PTPRD: variants seen among roughly 807,000 people sequenced by gnomAD.
The protein encoded by PTPRD is receptor-type tyrosine-protein phosphatase delta.
In PTPRD, 34 loss-of-function variants were observed where a neutral mutation model predicts 214.5. The observed-to-expected ratio is 0.16, with a 90% CI of 0.12 to 0.21. The LOEUF (loss-of-function observed/expected upper bound fraction) is 0.21, where lower values mean the gene tolerates loss of function less well. Among genes scored for constraint, PTPRD ranks in the 10% least tolerant of loss-of-function variants. PTPRD has a pLI of 1.00. For synonymous variants in PTPRD, 1,128 were observed against 845.7 expected, an observed-to-expected ratio of 1.33 and a Z score of -5.79; for missense variants, 2,545 against 2,398.7, an observed-to-expected ratio of 1.06 and a Z score of -1.27.
intron 5 of PTPRD, among the ~76,000 whole-genome samples, chr9:9,903,754 C>T (rs1056399426): frequency 6.6e-6 from 1 of 152,020 alleles, no homozygotes; most frequent in African/African-American, 2.4e-5. Context: ...TTCTAAAGTA[C>T]TTGAAGTTTT....
intron 2 of PTPRD, among the ~76,000 whole-genome samples, chr9:10,557,392 T>TCTCTCCTCC (rs950632437): frequency 1.3e-5 from 2 of 152,142 alleles, no homozygotes; most frequent in Non-Finnish European, 2.9e-5. Context: ...TCTTTCTCCC[T>TCTCTCCTCC]CTCTCCTCCC....
chr9:8,739,852 A>T (rs57136740), intron 11 of PTPRD, among the ~76,000 whole-genome samples: 75,050 of 151,900 alleles, frequency 0.49, 19,221 homozygotes, highest in South Asian at 0.62. Context: ...GTCTCATGAG[A>T]TCTGATGATT....
intron 11 of PTPRD, among the ~76,000 whole-genome samples, chr9:8,818,646 A>G (rs2096973733): frequency 6.6e-6 from 1 of 152,244 alleles, no homozygotes; most frequent in South Asian, 2.1e-4. Flanking sequence ...TACCTACTGA[A>G]TTAGTATTAT....
chr9:10,028,879 G>A (rs1026926823), intron 4 of PTPRD, among the ~76,000 whole-genome samples: 1 of 152,190 alleles, frequency 6.6e-6, no homozygotes, highest in Non-Finnish European at 1.5e-5. Flanking sequence ...CCAAGACAAT[G>A]AGGAAAATGT....
chr9:10,369,002 T>C (rs1565590028), intron 2 of PTPRD, among the ~76,000 whole-genome samples: 1 of 152,060 alleles, frequency 6.6e-6, no homozygotes, highest in Admixed American at 6.6e-5. Flanking sequence ...GAATATGTGT[T>C]TTTTTTAATT....
intron 10 of PTPRD, among the ~76,000 whole-genome samples, chr9:9,117,035 G>C (rs574898906): frequency 6.6e-5 from 10 of 152,200 alleles, no homozygotes; most frequent in African/African-American, 2.4e-4. Flanking sequence ...AAACAGGACA[G>C]ATACAGGCTT....
In PTPRD at chr9:10,021,431, T is replaced by A. The variant is rs1349983887; in HGVS notation, c.-472+12287A>T. ...TGTATATCAATACAATATTAGTTTC[T>A]TTTTCTTTTTTCTTTGACGGAGTCT... is the stretch of plus-strand genomic sequence containing the variant. On this transcript the variant is annotated intron_variant, in intron 4 of 45. Transcript: ENST00000381196. 2.5e-4 allele frequency among the ~76,000 whole-genome samples: 4 copies of A among 15,996 alleles called. 2 individuals carry two copies. Among genetic ancestry groups the A allele is most frequent in the Admixed American group, 1.3e-3 (4 of 3,000 alleles). 10.5% of individuals were successfully genotyped at this position (15,996 alleles called of 152,430 possible). A position where few individuals can be genotyped will look rare whatever the true frequency, so the allele number is the denominator to read the frequency against.
chr9:10,065,345 C>G (rs1413628642), intron 3 of PTPRD, among the ~76,000 whole-genome samples: 1 of 151,930 alleles, frequency 6.6e-6, no homozygotes, highest in Non-Finnish European at 1.5e-5. Context: ...CCACCAGCCC[C>G]ATAAAAGTCA....
intron 11 of PTPRD, among the ~76,000 whole-genome samples, chr9:8,957,315 C>G (rs995709108): frequency 3.3e-5 from 5 of 151,836 alleles, no homozygotes; most frequent in South Asian, 2.1e-4. Context: ...CCTCTGTAAT[C>G]TGGCTTAGAG....
chr9:8,786,635 G>A (rs954725659), intron 11 of PTPRD, among the ~76,000 whole-genome samples: 2 of 151,076 alleles, frequency 1.3e-5, no homozygotes, highest in African/African-American at 4.9e-5. Context: ...GGCTGGTCTG[G>A]AACTCCTAAC....
At chr9:9,521,783 A>C (rs886428637) in intron 8 of PTPRD, among the ~76,000 whole-genome samples, 10 of 152,190 alleles carry the variant, frequency 6.6e-5, no homozygotes, top group African/African-American at 2.4e-4. Context: ...AGACATTGCT[A>C]TTCTGTGGTA....
chr9:9,492,710 C>T (rs1326736355), intron 8 of PTPRD, among the ~76,000 whole-genome samples: 1 of 151,404 alleles, frequency 6.6e-6, no homozygotes, highest in East Asian at 1.9e-4. Context: ...CACTTTATTG[C>T]ACTTCACAGA....
At chr9:8,555,605 G>A (rs1054844187) in intron 14 of PTPRD, among the ~76,000 whole-genome samples, 1 of 152,210 alleles carries the variant, frequency 6.6e-6, no homozygotes, top group Non-Finnish European at 1.5e-5. Context: ...CAGCCTTGCT[G>A]CCTTCTGGCT....
intron 10 of PTPRD, among the ~76,000 whole-genome samples, chr9:9,067,675 T>C (rs1242835263): frequency 6.6e-6 from 1 of 152,226 alleles, no homozygotes; most frequent in Non-Finnish European, 1.5e-5. Context: ...TTGCATATGG[T>C]TGTAAGAAAT....
intron 3 of PTPRD, among the ~76,000 whole-genome samples, chr9:10,191,096 C>T (rs2154320608): frequency 6.6e-6 from 1 of 152,132 alleles, no homozygotes; most frequent in South Asian, 2.1e-4. Flanking sequence ...AAAATCAGGA[C>T]TCAAGACTGT....
At chr9:10,574,028 G>A (rs1381753559) in intron 2 of PTPRD, among the ~76,000 whole-genome samples, 1 of 152,124 alleles carries the variant, frequency 6.6e-6, no homozygotes, top group African/African-American at 2.4e-5. Flanking sequence ...TGCCAAGGAA[G>A]AATTCCGAAT....
chr9:9,975,133 A>G (rs2095305985), intron 4 of PTPRD, among the ~76,000 whole-genome samples: 1 of 152,156 alleles, frequency 6.6e-6, no homozygotes. Flanking sequence ...TCCCATTTAC[A>G]GAGGGCACAT....
chr9:8,951,813 A>G (rs747237546), intron 11 of PTPRD, among the ~76,000 whole-genome samples: 1 of 151,966 alleles, frequency 6.6e-6, no homozygotes, highest in Non-Finnish European at 1.5e-5. Flanking sequence ...TTGTTTCTCT[A>G]ATTCCACATT....
At chr9:8,434,640 A>T (rs749184301) in intron 35 of PTPRD, among the ~76,000 whole-genome samples, 6 of 152,226 alleles carry the variant, frequency 3.9e-5, no homozygotes, top group Non-Finnish European at 5.9e-5. Context: ...ATAATCAAAA[A>T]TAAATAATTA....
Sources: allele counts gnomAD v4.1 joint callset (sites outside exome capture counted in the v4.1 genomes callset), GRCh38; gene constraint gnomAD v4.1.1; transcripts MANE v1.5; gene names NCBI Gene and HGNC (gene_info 2026-07-23, HGNC 2026-07-21).